Variants in SCARB1 observed in about 807,000 individuals in gnomAD.
The protein encoded by SCARB1 is CD36 and LIMPII analogous 1.
SCARB1 carries 30 observed loss-of-function variants against 57.2 expected under a neutral mutation model. The observed-to-expected ratio is 0.52, with a 90% CI of 0.39 to 0.71. The LOEUF (loss-of-function observed/expected upper bound fraction) is 0.71, where lower values mean the gene tolerates loss of function less well. SCARB1 is among the 30% of genes least tolerant of loss of function. SCARB1 has a pLI of 0.00. For missense variants in SCARB1, 543 were observed against 671.2 expected, an observed-to-expected ratio of 0.81 and a Z score of 2.11; for synonymous variants, 249 against 268.3, an observed-to-expected ratio of 0.93 and a Z score of 0.70.
intron 1 of SCARB1, among the ~76,000 whole-genome samples, chr12:124,844,747 C>T (rs1447034924): frequency 6.6e-6 from 1 of 152,040 alleles, no homozygotes; most frequent in African/African-American, 2.4e-5. Flanking sequence ...TTCCGGCCTC[C>T]AGAACTGTAC....
chr12:124,779,059 T>C (rs1480734739), intron 12 of SCARB1, among the ~76,000 whole-genome samples: 1 of 152,150 alleles, frequency 6.6e-6, no homozygotes, highest in African/African-American at 2.4e-5. Context: ...CAAGTGATCC[T>C]CCCACCTCGG....
At chr12:124,860,679 C>A (rs1952861136) in intron 1 of SCARB1, among the ~76,000 whole-genome samples, 1 of 152,200 alleles carries the variant, frequency 6.6e-6, no homozygotes, top group South Asian at 2.1e-4. Flanking sequence ...TTCTAGAAAT[C>A]CACCCTATGG....
intron 1 of SCARB1, among the ~76,000 whole-genome samples, chr12:124,858,748 G>A (rs191315413): frequency 1.0e-3 from 159 of 151,988 alleles, no homozygotes; most frequent in African/African-American, 3.6e-3. Flanking sequence ...GTGCGGTGGC[G>A]GGCGCCTGTA....
At chr12:124,843,889 G>A (rs955335799) in intron 1 of SCARB1, among the ~76,000 whole-genome samples, 10 of 152,112 alleles carry the variant, frequency 6.6e-5, no homozygotes, top group African/African-American at 1.2e-4. Context: ...GCTGCACCAC[G>A]TACCCTCACT....
chr12:124,824,714 G>C (rs1347890872), intron 1 of SCARB1, among the ~76,000 whole-genome samples: 1 of 152,174 alleles, frequency 6.6e-6, no homozygotes, highest in Non-Finnish European at 1.5e-5. Context: ...GTTTCTAATC[G>C]GGTCAGGTGT....
intron 1 of SCARB1, among the ~76,000 whole-genome samples, chr12:124,856,005 G>A (rs894791213): frequency 6.6e-6 from 1 of 152,240 alleles, no homozygotes; most frequent in South Asian, 2.1e-4. Context: ...GGCGATTCCA[G>A]GTGGCTGAGC....
In SCARB1 at chr12:124,815,297, C is replaced by A. The variant is rs535845266; in HGVS notation, c.285-183G>T. On this transcript the variant is annotated intron_variant, in intron 2 of 12. Transcript: ENST00000261693. Reference sequence around the variant, plus strand: ...TGTCCCTCCCGCCGCCTGCCCACTGCAGGACATGGTGTCGCCGCCCACCCG... The same window carrying A: ...TGTCCCTCCCGCCGCCTGCCCACTGAAGGACATGGTGTCGCCGCCCACCCG... Among the ~76,000 whole-genome samples, 6 of 152,322 alleles carry A rather than the reference C, an allele frequency of 3.9e-5. No individual in the cohort carries two copies. The South Asian group carries it at 1.0e-3, about 26-fold the overall frequency.
In SCARB1 at chr12:124,827,335, G is replaced by C. The variant is rs377572265; in HGVS notation, c.127-9628C>G. Among the ~76,000 whole-genome samples the C allele has an allele frequency of 5.9e-5, 9 of 152,286 alleles. No homozygotes were observed. The East Asian group carries it at 1.7e-3, about 29-fold the overall frequency. On this transcript the variant is annotated intron_variant, in intron 1 of 12. Transcript: ENST00000261693. The stretch of plus-strand genomic sequence containing the variant: ...TGGGGGCTACATACATCAGCTAACA[G>C]AACAAAAAGTTTTACAGTGCTTTCT...
chr12:124,806,916 A>T (rs1403343785), intron 7 of SCARB1, among the ~76,000 whole-genome samples: 1 of 150,636 alleles, frequency 6.6e-6, no homozygotes, highest in East Asian at 2.0e-4. Flanking sequence ...ATATAAAAAT[A>T]GGCTGGGCGC....
rs1873092404 is a variant in SCARB1, at chr12:124,779,793, T to C, written c.*1-1207A>G. Among the ~76,000 whole-genome samples the C allele has an allele frequency of 2.0e-5, 3 of 152,108 alleles. 1 individual carries two copies. The highest frequency in any genetic ancestry group is 4.1e-4 in the South Asian group (2 of 4,824). ...CTGCCCACCTCCGCCCACCTGTGCT[T>C]GCTTCACCACGGGGTAGGAAAATCA... On this transcript the variant is annotated intron_variant, in intron 12 of 12. Coordinates refer to ENST00000261693, the MANE Select transcript of SCARB1 (RefSeq NM_005505.5).
chr12:124,830,396 C>G (rs1192385844), intron 1 of SCARB1, among the ~76,000 whole-genome samples: 1 of 152,190 alleles, frequency 6.6e-6, no homozygotes, highest in Non-Finnish European at 1.5e-5. Flanking sequence ...ATGCTCATAG[C>G]AGCCGTACCC....
At position 124,781,912 on chromosome 12, in the gene SCARB1, T is replaced by C. The variant is rs920291229; in HGVS notation, c.*771A>G. On this transcript the variant is annotated intron_variant, in intron 12 of 12. Coordinates refer to ENST00000261693, the MANE Select transcript of SCARB1 (RefSeq NM_005505.5). ...GTATTTATTTATTTATTTATTTTAG[T>C]TTTATTTTTTTGAGACGGAGTCTCA... 2.0e-5 allele frequency among the ~76,000 whole-genome samples: 3 copies of C among 150,826 alleles called. No homozygotes were observed. The East Asian group carries it at 5.8e-4, about 29-fold the overall frequency.
chr12:124,805,106 CACCAAGACAAGAAGAGGAAGACAAGAAG>C (rs72167165), intron 7 of SCARB1, among the ~76,000 whole-genome samples: 22,344 of 151,680 alleles, frequency 0.15, 3,403 homozygotes, highest in East Asian at 0.43. Flanking sequence ...GAGCAATGAG[CACCAAGACAAGAAGAGGAAGACAAGAAG>C]ACCAAGACAA....
intron 1 of SCARB1, among the ~76,000 whole-genome samples, chr12:124,845,840 A>T (rs1290482858): frequency 6.9e-6 from 1 of 145,910 alleles, no homozygotes; most frequent in Non-Finnish European, 1.5e-5. Context: ...ACCCGTCTCT[A>T]CTAAAAATAC....
At chr12:124,829,774 A>G (rs1951314263) in intron 1 of SCARB1, among the ~76,000 whole-genome samples, 1 of 152,228 alleles carries the variant, frequency 6.6e-6, no homozygotes, top group African/African-American at 2.4e-5. Context: ...GCCCCACTGT[A>G]TGGCAGGCTC....
At position 124,807,979 on chromosome 12, in the gene SCARB1, C is replaced by G; in HGVS notation, c.843-52G>C. The G allele has an allele frequency of 6.3e-7, 1 of 1,581,960 alleles. No homozygotes were observed. Among genetic ancestry groups the G allele is most frequent in the Non-Finnish European group, 8.7e-7 (1 of 1,152,534 alleles). On this transcript the variant is annotated intron_variant, in intron 6 of 12. Transcript: ENST00000261693. This position sits in a 1 kb window ranked among gnomAD's most constrained non-coding sequence, Gnocchi z 5.3. ...GGACACCCAGACCCGGCGGCCAGAG[C>G]CAGGCCCTGCCAAAGGCTGCCCAGA...
chr12:124,814,849 A>ACCAGGCGTGAGTCC lies in SCARB1; in HGVS notation c.426+110_426+123dup. 7.9e-7 allele frequency: 1 copy of ACCAGGCGTGAGTCC among 1,268,208 alleles called. No homozygotes were observed. Among genetic ancestry groups the ACCAGGCGTGAGTCC allele is most frequent in the Non-Finnish European group, 1.1e-6 (1 of 894,686 alleles). 78.6% of individuals were successfully genotyped at this position (1,268,208 alleles called of 1,614,324 possible). A position where few individuals can be genotyped will look rare whatever the true frequency, so the allele number is the denominator to read the frequency against. On this transcript the variant is annotated intron_variant, in intron 3 of 12. Transcript: ENST00000261693. This position sits in a 1 kb window ranked among gnomAD's most constrained non-coding sequence, Gnocchi z 4.7. ...GACAGCACAGGGCCGAAAGCCACCC[A>ACCAGGCGTGAGTCC]CCAGGCGTGAGTCCCCACGCTCCGA...
chr12:124,783,135 C>T (rs921177802), intron 11 of SCARB1: 2 of 327,220 alleles, frequency 6.1e-6, no homozygotes, highest in Non-Finnish European at 1.1e-5. Context: ...AGCTGGGGGG[C>T]TGTTTAAAAT....
At chr12:124,821,284 ACG>A in intron 1 of SCARB1, 2 of 621,726 alleles carry the variant, frequency 3.2e-6, no homozygotes, top group Admixed American at 6.3e-5. Context: ...ACACACACAC[ACG>A]CAGCCTCAAT....
Sources: allele counts gnomAD v4.1 joint callset (sites outside exome capture counted in the v4.1 genomes callset), GRCh38; gene constraint gnomAD v4.1.1; non-coding constraint Gnocchi (gnomAD v3.1); transcripts MANE v1.5; gene names NCBI Gene and HGNC (gene_info 2026-07-23, HGNC 2026-07-21).